KCNQ5: variants seen among roughly 807,000 people sequenced by gnomAD.
KCNQ5 encodes the protein potassium voltage-gated channel subfamily Q member 5, also known as potassium voltage-gated channel subfamily KQT member 5.
Under a neutral mutation model 98.2 loss-of-function variants are expected in KCNQ5, and 30 were observed. That is an observed-to-expected ratio of 0.31 (90% CI 0.23 to 0.41). The LOEUF (loss-of-function observed/expected upper bound fraction) is 0.41, where lower values mean the gene tolerates loss of function less well. Among genes scored for constraint, KCNQ5 ranks in the 10% least tolerant of loss-of-function variants. The probability of loss-of-function intolerance (pLI) is 1.00; values close to 1 mark genes in which losing one functional copy is unlikely to be tolerated. For synonymous variants in KCNQ5, 458 were observed against 449.4 expected (o/e 1.02, Z -0.24); for missense variants, 835 against 1,182.5 (o/e 0.71, Z 4.31).
At chr6:73,191,246 C>T (rs957920656) in intron 12 of KCNQ5, among the ~76,000 whole-genome samples, 4 of 152,116 alleles carry the variant, frequency 2.6e-5, no homozygotes, top group Non-Finnish European at 4.4e-5. Context: ...CTCAGAATCT[C>T]GGTGTGCTGG....
At chr6:72,794,516 C>G (rs1398268708) in intron 1 of KCNQ5, among the ~76,000 whole-genome samples, 1 of 152,108 alleles carries the variant, frequency 6.6e-6, no homozygotes, top group Non-Finnish European at 1.5e-5. Flanking sequence ...TTTTTAAAGA[C>G]TGATAAAAGA....
Position 73,194,516 on chromosome 6 carries a change from G to C in KCNQ5, c.1901G>C (p.Gly634Ala). The C allele has an allele frequency of 6.2e-7, 1 of 1,614,134 alleles. No homozygotes were observed. Among genetic ancestry groups the C allele is most frequent in the Non-Finnish European group, 8.5e-7 (1 of 1,180,032 alleles). The change falls in exon 14 of 14, where the codon GGC becomes GCC. Residue 634 changes from glycine to alanine, a missense_variant. By Grantham distance (60) the Gly-to-Ala change is moderately conservative. Coordinates refer to ENST00000370398, the MANE Select transcript of KCNQ5 (RefSeq NM_019842.4). Reference protein sequence around the residue: ...LDIYQQVLRKGSASALALASF... With the variant: ...LDIYQQVLRKASASALALASF... ...ATCTATCAACAGGTCCTTCGGAAAG[G>C]CTCTGCCTCAGCCCTCGCTTTGGCT...
intron 5 of KCNQ5, 28 bp from the exon 6 acceptor site, chr6:73,105,229 C>A: frequency 1.5e-6 from 2 of 1,352,354 alleles, no homozygotes; most frequent in Non-Finnish European, 2.1e-6. Flanking sequence ...AGTACTTAAG[C>A]TGCACATTCT....
At chr6:73,189,131 A>G (rs1765496545) in intron 11 of KCNQ5, among the ~76,000 whole-genome samples, 1 of 152,202 alleles carries the variant, frequency 6.6e-6, no homozygotes, top group Non-Finnish European at 1.5e-5. Context: ...TTTTTGATAC[A>G]GGACACTAAG....
intron 1 of KCNQ5, among the ~76,000 whole-genome samples, chr6:72,822,002 ACT>A (rs994228527): frequency 1.3e-4 from 20 of 151,772 alleles, no homozygotes; most frequent in African/African-American, 4.8e-4. Flanking sequence ...CCTCTCTGTG[ACT>A]CTCAGAAAGG....
chr6:73,113,839 G>A (rs529682909), intron 7 of KCNQ5, among the ~76,000 whole-genome samples: 50 of 152,318 alleles, frequency 3.3e-4, no homozygotes, highest in Non-Finnish European at 6.2e-4. Flanking sequence ...ATGGAACTGG[G>A]TTATGTAACA....
chr6:72,962,227 A>ATG (rs1339019580), intron 1 of KCNQ5, among the ~76,000 whole-genome samples: 3 of 145,496 alleles, frequency 2.1e-5, no homozygotes, highest in Admixed American at 7.0e-5. Context: ...ACACACATAT[A>ATG]TATATATATA....
intron 1 of KCNQ5, among the ~76,000 whole-genome samples, chr6:72,841,681 A>T (rs1161495433): frequency 6.6e-6 from 1 of 152,090 alleles, no homozygotes; most frequent in Non-Finnish European, 1.5e-5. Context: ...TCCTTTATAT[A>T]TTCCTATATA....
chr6:73,103,764 A>C (rs906393585), intron 5 of KCNQ5, among the ~76,000 whole-genome samples: 2 of 145,362 alleles, frequency 1.4e-5, no homozygotes, highest in Admixed American at 1.4e-4. Context: ...CCAAAAAAAA[A>C]CCAGAAAGAG....
At chr6:72,803,213 A>C (rs1041323034) in intron 1 of KCNQ5, among the ~76,000 whole-genome samples, 6 of 152,312 alleles carry the variant, frequency 3.9e-5, no homozygotes, top group Middle Eastern at 3.4e-3. Flanking sequence ...AGAAGTGAAG[A>C]GGGGCATGCA....
intron 2 of KCNQ5, among the ~76,000 whole-genome samples, chr6:73,023,967 T>C (rs1397230069): frequency 2.0e-5 from 3 of 152,148 alleles, no homozygotes; most frequent in East Asian, 1.9e-4. Flanking sequence ...CTCCAAGAAA[T>C]GGAGCACCTT....
chr6:72,719,458 A>G (rs1769832253), intron 1 of KCNQ5, among the ~76,000 whole-genome samples: 1 of 152,254 alleles, frequency 6.6e-6, no homozygotes, highest in African/African-American at 2.4e-5. Context: ...GCTATATACC[A>G]GCAATATTCC....
At chr6:72,986,125 G>T (rs1166192116) in intron 1 of KCNQ5, among the ~76,000 whole-genome samples, 1 of 152,146 alleles carries the variant, frequency 6.6e-6, no homozygotes, top group Non-Finnish European at 1.5e-5. Flanking sequence ...AGCTACTCGG[G>T]AGGCTGAGAC....
intron 9 of KCNQ5, chr6:73,124,714 G>C: frequency 1.7e-6 from 1 of 587,456 alleles, no homozygotes; most frequent in Non-Finnish European, 3.0e-6. Context: ...CTCACTCCCT[G>C]CTTTTTCAAA....
intron 1 of KCNQ5, among the ~76,000 whole-genome samples, chr6:72,948,912 A>T (rs1291117645): frequency 6.6e-6 from 1 of 152,176 alleles, no homozygotes; most frequent in Non-Finnish European, 1.5e-5. Context: ...ACAAATGCAC[A>T]TATACTGTCT....
intron 2 of KCNQ5, among the ~76,000 whole-genome samples, chr6:73,034,838 TC>T (rs147115675): frequency 2.2e-4 from 18 of 81,676 alleles, no homozygotes; most frequent in Non-Finnish European, 2.9e-4. Flanking sequence ...CTGCCTCTTT[TC>T]TTTTTTTTTT....
At chr6:72,737,909 A>T (rs1327382962) in intron 1 of KCNQ5, among the ~76,000 whole-genome samples, 1 of 152,124 alleles carries the variant, frequency 6.6e-6, no homozygotes, top group Non-Finnish European at 1.5e-5. Flanking sequence ...TAATCCCAGC[A>T]CTTTGGGAGG....
intron 1 of KCNQ5, among the ~76,000 whole-genome samples, chr6:72,679,369 T>C (rs1027837509): frequency 2.0e-5 from 3 of 152,046 alleles, no homozygotes; most frequent in Non-Finnish European, 2.9e-5. Context: ...GTGGCACATA[T>C]ACACCATGGA....
chr6:73,045,374 A>G lies in KCNQ5; in HGVS notation c.616+3312A>G, dbSNP rs139503862. ...GTTTTAAGCATTTGCTTTGAAAATTAGTAAAATCTTATCTAGAACATAAAA... is the reference window on the plus strand; with the variant it reads ...GTTTTAAGCATTTGCTTTGAAAATTGGTAAAATCTTATCTAGAACATAAAA... On this transcript the variant is annotated intron_variant, in intron 3 of 13. Transcript: ENST00000370398. 5.3e-3 allele frequency among the ~76,000 whole-genome samples: 800 copies of G among 152,320 alleles called. 6 individuals carry two copies. The highest frequency in any genetic ancestry group is 0.018 in the African/African-American group (750 of 41,566).
Sources: allele counts gnomAD v4.1 joint callset (sites outside exome capture counted in the v4.1 genomes callset), GRCh38; gene constraint gnomAD v4.1.1; transcripts MANE v1.5; gene names NCBI Gene and HGNC (gene_info 2026-07-23, HGNC 2026-07-21).